MED19: variants seen among roughly 807,000 people sequenced by gnomAD.
MED19 encodes mediator of RNA polymerase II transcription subunit 19.
A neutral mutation model predicts 19.9 loss-of-function variants in MED19; 4 were observed. The observed-to-expected ratio is 0.20, with a 90% CI of 0.10 to 0.46. The LOEUF is 0.46. Ranked by LOEUF, MED19 falls within the 20% of genes least tolerant of loss-of-function variation. The pLI, the probability that MED19 is intolerant of heterozygous loss-of-function variation, is 0.99. For synonymous variants in MED19, 139 were observed against 119.6 expected, an observed-to-expected ratio of 1.16 and a Z score of -1.06; for missense variants, 303 against 318.7, an observed-to-expected ratio of 0.95 and a Z score of 0.38.
intron 4 of MED19, 63 bp from the exon 5 acceptor site, chr11:57,704,169 A>G (rs1413639969): frequency 7.8e-6 from 12 of 1,532,398 alleles, no homozygotes; most frequent in Non-Finnish European, 1.0e-5. Flanking sequence ...ATCAGGCTGT[A>G]CAGGAGAAAC....
chr11:57,704,613 A>G (rs769207054), intron 3 of MED19, 106 bp downstream of exon 3: 1 of 1,608,230 alleles, frequency 6.2e-7, no homozygotes, highest in South Asian at 1.1e-5. Flanking sequence ...CCAGAGCTCC[A>G]TACGGAACTT....
exon 1 of MED19, chr11:57,712,090 G>C: frequency 6.5e-7 from 1 of 1,529,426 alleles, no homozygotes; most frequent in Non-Finnish European, 8.8e-7. Flanking sequence ...GCGGTGGCGG[G>C]GGTGGAGGCT....
At chr11:57,704,669 G>GTTTGTTT in intron 3 of MED19, 50 bp downstream of exon 3, 1 of 1,286,326 alleles carries the variant, frequency 7.8e-7, no homozygotes, top group Non-Finnish European at 1.0e-6. Flanking sequence ...AGAAGGTCAG[G>GTTTGTTT]TTTTTTTTTT....
intron 1 of MED19, among the ~76,000 whole-genome samples, chr11:57,708,903 A>G (rs1476384799): frequency 3.3e-5 from 5 of 152,208 alleles, no homozygotes; most frequent in Non-Finnish European, 5.9e-5. Flanking sequence ...CAACTTCTCC[A>G]TGTTTCAGTT....
intron 1 of MED19, among the ~76,000 whole-genome samples, chr11:57,711,255 C>A (rs1342899806): frequency 3.3e-5 from 5 of 152,198 alleles, no homozygotes; most frequent in Non-Finnish European, 5.9e-5. Flanking sequence ...GGAAGAATGG[C>A]AACTTGCCCC....
chr11:57,704,450 TATG>T (rs757993073), intron 3 of MED19, 54 bp from the exon 4 acceptor site: 1 of 1,533,730 alleles, frequency 6.5e-7, no homozygotes, highest in Non-Finnish European at 8.7e-7. Context: ...CCTCTACTGT[TATG>T]AACCACTGAA....
chr11:57,704,614 T>C, intron 3 of MED19, 105 bp downstream of exon 3: 2 of 1,603,750 alleles, frequency 1.2e-6, no homozygotes, highest in East Asian at 2.2e-5. Flanking sequence ...CAGAGCTCCA[T>C]ACGGAACTTA....
At chr11:57,709,256 C>A (rs1234932251) in intron 1 of MED19, among the ~76,000 whole-genome samples, 1 of 151,974 alleles carries the variant, frequency 6.6e-6, no homozygotes, top group Non-Finnish European at 1.5e-5. Flanking sequence ...TGGCACATGC[C>A]TGTAATCCGA....
intron 1 of MED19, among the ~76,000 whole-genome samples, chr11:57,706,839 G>C (rs1022328884): frequency 5.9e-5 from 9 of 152,198 alleles, no homozygotes; most frequent in Admixed American, 4.6e-4. Context: ...CTGTGGAATG[G>C]AATAATAGCT....
At chr11:57,705,348 T>C in intron 1 of MED19, 119 bp from the exon 2 acceptor site, 1 of 1,209,506 alleles carries the variant, frequency 8.3e-7, no homozygotes, top group Non-Finnish European at 1.1e-6. Context: ...AATTTAAAAT[T>C]TATTTTTAAA....
intron 1 of MED19, 91 bp downstream of exon 1, chr11:57,711,872 A>G: frequency 7.5e-7 from 1 of 1,340,164 alleles, no homozygotes; most frequent in Non-Finnish European, 9.7e-7. Context: ...TGCCTAGGTT[A>G]CCTCGCACCT....
intron 3 of MED19, 60 bp downstream of exon 3, chr11:57,704,659 A>G (rs1166157330): frequency 6.5e-7 from 1 of 1,528,298 alleles, no homozygotes; most frequent in Non-Finnish European, 8.9e-7. Context: ...AACCAGATTC[A>G]GAAGGTCAGG....
intron 1 of MED19, among the ~76,000 whole-genome samples, chr11:57,709,267 A>C (rs549379453): frequency 6.6e-6 from 1 of 150,976 alleles, no homozygotes; most frequent in Non-Finnish European, 1.5e-5. Context: ...TGTAATCCGA[A>C]CTACTCGGGA....
At chr11:57,704,599 G>C in intron 3 of MED19, 120 bp downstream of exon 3, 1 of 1,606,980 alleles carries the variant, frequency 6.2e-7, no homozygotes, top group South Asian at 1.1e-5. Flanking sequence ...GGGAATTTAG[G>C]AGTCCAGAGC....
intron 3 of MED19, 107 bp from the exon 4 acceptor site, chr11:57,704,503 C>A: frequency 6.3e-7 from 1 of 1,576,400 alleles, no homozygotes; most frequent in Non-Finnish European, 8.6e-7. Context: ...CTGCTTTTGT[C>A]CAAATGGCCA....
At chr11:57,703,731 T>G (rs1219125892) in exon 5 of MED19, 1 of 295,366 alleles carries the variant, frequency 3.4e-6, no homozygotes, top group African/African-American at 2.2e-5. Context: ...AATGTAATTT[T>G]TTTTTTTTTA....
chr11:57,712,059 C>G, exon 1 of MED19: 1 of 1,535,372 alleles, frequency 6.5e-7, no homozygotes, highest in Non-Finnish European at 8.8e-7. Flanking sequence ...GGGGCCGTGC[C>G]GGGTCCCCCG....
chr11:57,709,215 C>G (rs1435324244), intron 1 of MED19, among the ~76,000 whole-genome samples: 4 of 152,130 alleles, frequency 2.6e-5, no homozygotes, highest in Non-Finnish European at 4.4e-5. Context: ...AACCCTGTCT[C>G]CACTAAAAAT....
chr11:57,711,843 C>G, intron 1 of MED19, 120 bp downstream of exon 1: 9 of 1,139,398 alleles, frequency 7.9e-6, no homozygotes, highest in Non-Finnish European at 9.3e-6. Context: ...ACTTAGGGCT[C>G]CACAGTCCGG....
Sources: allele counts gnomAD v4.1 joint callset (sites outside exome capture counted in the v4.1 genomes callset), GRCh38; gene constraint gnomAD v4.1.1; transcripts MANE v1.5; gene names NCBI Gene and HGNC (gene_info 2026-07-23, HGNC 2026-07-21).